RFX6: variants seen among roughly 807,000 people sequenced by gnomAD.
The protein encoded by RFX6 is regulatory factor X6.
In RFX6, 50 loss-of-function variants were observed where a neutral mutation model predicts 110.8. The ratio of observed to expected loss-of-function variants is 0.45; its 90% CI spans 0.36 to 0.57. RFX6 has a LOEUF of 0.57. RFX6 is among the 20% of genes least tolerant of loss of function. The pLI is 0.00. For missense variants in RFX6, 990 were observed against 1,127.0 expected, an observed-to-expected ratio of 0.88 and a Z score of 1.74; for synonymous variants, 383 against 411.2, an observed-to-expected ratio of 0.93 and a Z score of 0.83.
In RFX6 at chr6:116,927,466, A is replaced by T; in HGVS notation, c.2325A>T (p.Gly775=). The stretch of plus-strand genomic sequence containing the variant: ...ACAATATGCAGTTTTTAAATACAGG[A>T]AGCTTCAATTTCTTGAGCAACACAG... ...DSHNMQFLNT[G]SFNFLSNTGA... The change falls in exon 17 of 19, where the codon GGA becomes GGT. Residue 775 remains glycine (G), a synonymous_variant. Transcript: ENST00000332958. 6.2e-7 allele frequency: 1 copy of T among 1,614,128 alleles called. No homozygotes were observed. Among genetic ancestry groups the T allele is most frequent in the South Asian group, 1.1e-5 (1 of 91,082 alleles).
At chr6:116,892,069 C>T (rs1164008274) in intron 4 of RFX6, among the ~76,000 whole-genome samples, 1 of 152,196 alleles carries the variant, frequency 6.6e-6, no homozygotes, top group African/African-American at 2.4e-5. Context: ...CATAAAATAT[C>T]TTCATTTACC....
At chr6:116,907,182 C>A (rs1260881957) in intron 6 of RFX6, among the ~76,000 whole-genome samples, 1 of 151,892 alleles carries the variant, frequency 6.6e-6, no homozygotes, top group East Asian at 1.9e-4. Flanking sequence ...ATATATTGAA[C>A]CATCCTTGCA....
chr6:116,878,060 A>G, intron 2 of RFX6, 108 bp downstream of exon 2: 1 of 1,190,734 alleles, frequency 8.4e-7, no homozygotes. Flanking sequence ...ACTTTTTGGG[A>G]AAGTTTAAAA....
chr6:116,891,411 AAAG>A (rs1239498180), intron 4 of RFX6, among the ~76,000 whole-genome samples: 1 of 152,244 alleles, frequency 6.6e-6, no homozygotes, highest in Non-Finnish European at 1.5e-5. Context: ...AGTTATAATA[AAAG>A]AAGTTTATCA....
At chr6:116,925,251 C>T (rs749426303) in intron 15 of RFX6, among the ~76,000 whole-genome samples, 41 of 152,268 alleles carry the variant, frequency 2.7e-4, no homozygotes, top group African/African-American at 9.4e-4. Flanking sequence ...CATCCACATC[C>T]GCAAATATGC....
chr6:116,901,009 G>A (rs968800697), intron 6 of RFX6, among the ~76,000 whole-genome samples: 4 of 152,104 alleles, frequency 2.6e-5, no homozygotes, highest in Non-Finnish European at 5.9e-5. Context: ...TGTACTTCGA[G>A]TACCCATACA....
chr6:116,878,830 ATTAT>A (rs1169754588), intron 2 of RFX6, among the ~76,000 whole-genome samples: 2 of 151,722 alleles, frequency 1.3e-5, no homozygotes, highest in South Asian at 2.1e-4. Flanking sequence ...TTTTATTTTT[ATTAT>A]TTATTTAAAT....
chr6:116,878,067 A>G (rs906576252), intron 2 of RFX6, 115 bp downstream of exon 2: 2 of 1,114,074 alleles, frequency 1.8e-6, no homozygotes, highest in African/African-American at 3.1e-5. Flanking sequence ...GGGAAAGTTT[A>G]AAAAACCAAT....
intron 18 of RFX6, among the ~76,000 whole-genome samples, chr6:116,929,363 A>G (rs974229232): frequency 2.0e-5 from 3 of 152,200 alleles, no homozygotes; most frequent in Non-Finnish European, 4.4e-5. Flanking sequence ...AGATATCTTT[A>G]GGCCTCATGA....
chr6:116,905,318 T>G (rs1236011750), intron 6 of RFX6, among the ~76,000 whole-genome samples: 1 of 152,206 alleles, frequency 6.6e-6, no homozygotes, highest in Non-Finnish European at 1.5e-5. Context: ...TTTTAATGTA[T>G]GTACTAGTCA....
intron 2 of RFX6, among the ~76,000 whole-genome samples, chr6:116,880,287 TGATGTG>T (rs1436948712): frequency 8.5e-5 from 13 of 152,070 alleles, no homozygotes; most frequent in Admixed American, 8.5e-4. Flanking sequence ...CTAATATTTG[TGATGTG>T]GACCAGGCAT....
chr6:116,881,695 C>T (rs1774592895), intron 3 of RFX6, among the ~76,000 whole-genome samples: 1 of 151,978 alleles, frequency 6.6e-6, no homozygotes, highest in Non-Finnish European at 1.5e-5. Context: ...TGTGAGTCTA[C>T]CTTATGGGAA....
Position 116,877,314 on chromosome 6 carries a change from G to C in RFX6, c.39G>C (p.Gln13His). 6.2e-7 allele frequency: 1 copy of C among 1,612,880 alleles called. No individual in the cohort carries two copies. Among genetic ancestry groups the C allele is most frequent in the Non-Finnish European group, 8.5e-7 (1 of 1,179,652 alleles). ...CGGAGCTGGAAGACACCTTCCTGCA[G>C]GCGCAGCCTGCGCCCCAACTGTCCC... ...KVPELEDTFL[Q>H]AQPAPQLSPG... Residue 13 changes from glutamine to histidine, a missense_variant, in exon 1 of 19, where the codon CAG becomes CAC. This residue lies in a region of RFX6 where 175 missense variants were observed against 162.3 expected (regional missense o/e 1.08). Transcript: ENST00000332958.
At chr6:116,921,865 G>A (rs1775605778) in intron 12 of RFX6, among the ~76,000 whole-genome samples, 177 bp from the exon 13 acceptor site, 1 of 151,774 alleles carries the variant, frequency 6.6e-6, no homozygotes, top group South Asian at 2.1e-4. Flanking sequence ...CAGTACTAAG[G>A]ATTTTTTTGT....
intron 14 of RFX6, 24 bp from the exon 15 acceptor site, chr6:116,924,642 TCTC>T (rs1409514490): frequency 9.4e-6 from 15 of 1,599,780 alleles, no homozygotes; most frequent in African/African-American, 1.3e-5. Context: ...CACACTGTCC[TCTC>T]CTCATTCTCC....
intron 4 of RFX6, among the ~76,000 whole-genome samples, chr6:116,882,798 C>T (rs1774618191): frequency 6.6e-6 from 1 of 152,254 alleles, no homozygotes; most frequent in South Asian, 2.1e-4. Flanking sequence ...TAGCATGCTT[C>T]AGGTTCTTCC....
At position 116,922,050 on chromosome 6, in the gene RFX6, A is replaced by G; in HGVS notation, c.1336A>G (p.Ile446Val). The stretch of plus-strand genomic sequence containing the variant: ...TTTTTTTTCCTGGGTAGATGACTCT[A>G]TCACTGTGTTCCAAGAACTGAAGGA... Reference protein sequence around the residue: ...ESGIYTEHDSITVFQELKDLL... With the variant: ...ESGIYTEHDSVTVFQELKDLL... The change falls in exon 13 of 19, where the codon ATC becomes GTC. Residue 446 changes from isoleucine to valine, a missense_variant. Transcript: ENST00000332958. 7.0e-7 allele frequency: 1 copy of G among 1,420,382 alleles called. No homozygotes were observed. Among genetic ancestry groups the G allele is most frequent in the Non-Finnish European group, 9.9e-7 (1 of 1,012,150 alleles). 88.0% of individuals were successfully genotyped at this position (1,420,382 alleles called of 1,614,324 possible). A position where few individuals can be genotyped will look rare whatever the true frequency, so the allele number is the denominator to read the frequency against.
At chr6:116,901,812 T>C (rs987272911) in intron 6 of RFX6, among the ~76,000 whole-genome samples, 1 of 127,298 alleles carries the variant, frequency 7.9e-6, no homozygotes, top group Non-Finnish European at 1.7e-5. Flanking sequence ...TCTAGTGAAG[T>C]TGAAGATTTA....
rs1309978309 is a variant in RFX6, at chr6:116,924,687, G to A, written c.1574G>A (p.Arg525Gln). 6 of 1,609,760 alleles carry A rather than the reference G, an allele frequency of 3.7e-6. No homozygotes were observed. Among genetic ancestry groups the A allele is most frequent in the Non-Finnish European group, 5.1e-6 (6 of 1,176,484 alleles). ...AAACAAGGTTCTTTTCATTTGATTC[G>A]AATGCTTCTCGATGAATACATTCTC... ...ASSFGSFHLI[R>Q]MLLDEYILLA... is the part of the protein sequence containing the mutation. The change falls in exon 15 of 19, where the codon CGA (arginine) becomes CAA (glutamine). Residue 525 changes from arginine (R) to glutamine (Q), a missense_variant. Arg to Gln is a conservative substitution (Grantham distance 43). Transcript: ENST00000332958.
Sources: allele counts gnomAD v4.1 joint callset (sites outside exome capture counted in the v4.1 genomes callset), GRCh38; gene constraint gnomAD v4.1.1; regional missense constraint gnomAD v4.1.1; transcripts MANE v1.5; gene names NCBI Gene and HGNC (gene_info 2026-07-23, HGNC 2026-07-21).